The following DYSF variants were observed in gnomAD, a reference collection of about 807,000 sequenced individuals.
DYSF encodes the protein dystrophy-associated fer-1-like 1.
DYSF carries 212 observed loss-of-function variants against 274.9 expected under a neutral mutation model. The observed-to-expected ratio is 0.77, with a 90% confidence interval of 0.69 to 0.86. DYSF has a LOEUF of 0.86. Among genes scored for constraint, DYSF ranks in the 40% least tolerant of loss-of-function variants. DYSF has a pLI of 0.00. For synonymous variants in DYSF, 1,091 were observed against 1,078.7 expected (o/e 1.01, Z -0.22); for missense variants, 2,666 against 2,783.2 (o/e 0.96, Z 0.95).
At chr2:71,490,026 G>A (rs770675404) in intron 3 of DYSF, among the ~76,000 whole-genome samples, 1 of 152,146 alleles carries the variant, frequency 6.6e-6, no homozygotes, top group Non-Finnish European at 1.5e-5. Flanking sequence ...GGGGCTGTTG[G>A]GAGCAGGATC....
chr2:71,608,122 T>C (rs1277414974), intron 36 of DYSF, among the ~76,000 whole-genome samples: 1 of 151,880 alleles, frequency 6.6e-6, no homozygotes, highest in Non-Finnish European at 1.5e-5. Context: ...TAGGGGACTC[T>C]GGAGACAAAT....
chr2:71,649,293 G>T (rs550425700), intron 42 of DYSF, among the ~76,000 whole-genome samples: 1 of 152,008 alleles, frequency 6.6e-6, no homozygotes, highest in Non-Finnish European at 1.5e-5. Flanking sequence ...GGTGGAGAAG[G>T]ACAAAAGAGT....
At chr2:71,471,216 A>G (rs1179381966) in intron 1 of DYSF, among the ~76,000 whole-genome samples, 1 of 152,234 alleles carries the variant, frequency 6.6e-6, no homozygotes, top group Non-Finnish European at 1.5e-5. Flanking sequence ...CTTGTTAACA[A>G]TTTGACACAT....
intron 1 of DYSF, among the ~76,000 whole-genome samples, chr2:71,473,230 T>A (rs1304725662): frequency 6.6e-6 from 1 of 152,204 alleles, no homozygotes. Flanking sequence ...TTTGGGGGTG[T>A]CTGTACCAAG....
intron 3 of DYSF, among the ~76,000 whole-genome samples, chr2:71,483,666 T>G (rs1363921753): frequency 6.6e-6 from 1 of 152,188 alleles, no homozygotes; most frequent in South Asian, 2.1e-4. Context: ...GGCCGCATGC[T>G]GTCTTATATA....
intron 44 of DYSF, 143 bp downstream of exon 44, chr2:71,659,176 A>G: frequency 4.1e-6 from 5 of 1,209,736 alleles, no homozygotes; most frequent in Non-Finnish European, 2.4e-6. Flanking sequence ...AGGTGCCTGG[A>G]TGGAGTTGTG....
chr2:71,628,877 A>G (rs961482339), intron 41 of DYSF, among the ~76,000 whole-genome samples: 3 of 152,130 alleles, frequency 2.0e-5, no homozygotes, highest in African/African-American at 2.4e-5. Flanking sequence ...GCTTGAGCCC[A>G]GGAGGTTAAG....
intron 22 of DYSF, among the ~76,000 whole-genome samples, chr2:71,557,446 T>C (rs971828039): frequency 6.6e-6 from 1 of 151,924 alleles, no homozygotes; most frequent in African/African-American, 2.4e-5. Context: ...GCCCCGAGGG[T>C]CTCTGCTAAG....
intron 53 of DYSF, among the ~76,000 whole-genome samples, chr2:71,680,044 C>A (rs1483340130): frequency 6.6e-6 from 1 of 152,182 alleles, no homozygotes; most frequent in Non-Finnish European, 1.5e-5. Flanking sequence ...CCCATCTATA[C>A]ATATCTATGA....
chr2:71,595,132 C>T (rs1263477318), intron 32 of DYSF, among the ~76,000 whole-genome samples: 4 of 152,214 alleles, frequency 2.6e-5, no homozygotes, highest in African/African-American at 9.6e-5. Context: ...TTTTTCAGGG[C>T]ATAGTGCCCA....
chr2:71,454,127 G>C (rs1031426246), intron 1 of DYSF: 2 of 1,586,794 alleles, frequency 1.3e-6, no homozygotes, highest in Admixed American at 1.7e-5. Context: ...TCGGGGTGGG[G>C]TAGAGGAGGG....
chr2:71,675,838 T>A (rs1426242480), intron 52 of DYSF, among the ~76,000 whole-genome samples: 1 of 152,088 alleles, frequency 6.6e-6, no homozygotes, highest in African/African-American at 2.4e-5. Flanking sequence ...ATTTTATATA[T>A]GTATTTATAT....
At chr2:71,518,380 C>A (rs1261887237) in intron 10 of DYSF, among the ~76,000 whole-genome samples, 4 of 151,584 alleles carry the variant, frequency 2.6e-5, no homozygotes, top group African/African-American at 9.7e-5. Context: ...CCTCAGCCTC[C>A]CCAGTAGCTG....
At chr2:71,652,908 T>C (rs563745033) in intron 42 of DYSF, among the ~76,000 whole-genome samples, 4 of 152,382 alleles carry the variant, frequency 2.6e-5, no homozygotes, top group African/African-American at 9.6e-5. Context: ...GATGTTTAGA[T>C]AATTGCCTAA....
Position 71,659,040 on chromosome 2 carries a change from T to C in DYSF, c.4911+7T>C. Reference sequence around the variant, plus strand: ...CAAGGACCCCAATGGAAAGGTAACTTTCCTAGAGCCCTCACCTCCCCCAGA... The same window carrying C: ...CAAGGACCCCAATGGAAAGGTAACTCTCCTAGAGCCCTCACCTCCCCCAGA... On this transcript the variant is annotated splice_region_variant and intron_variant, in intron 44 of 55. Transcript: ENST00000410020. 6.2e-7 allele frequency: 1 copy of C among 1,614,074 alleles called. No individual in the cohort carries two copies. Among genetic ancestry groups the C allele is most frequent in the Non-Finnish European group, 8.5e-7 (1 of 1,179,992 alleles).
At chr2:71,606,954 C>T (rs1332662970) in intron 36 of DYSF, among the ~76,000 whole-genome samples, 2 of 152,146 alleles carry the variant, frequency 1.3e-5, no homozygotes, top group African/African-American at 4.8e-5. Flanking sequence ...CTTCACCCTC[C>T]CTCTTCCCCT....
chr2:71,463,684 C>G (rs1054924034), upstream of DYSF, among the ~76,000 whole-genome samples: 4 of 152,244 alleles, frequency 2.6e-5, no homozygotes, highest in African/African-American at 4.8e-5. Flanking sequence ...AACTGGTCAG[C>G]AATTGGATCT....
At chr2:71,601,417 G>A (rs749931935) in intron 34 of DYSF, 82 bp from the exon 35 acceptor site, 1 of 1,559,848 alleles carries the variant, frequency 6.4e-7, no homozygotes, top group Non-Finnish European at 8.8e-7. Flanking sequence ...TCTGATCACT[G>A]ACATAGTCCA....
chr2:71,507,610 T>C (rs1301858104), intron 4 of DYSF, among the ~76,000 whole-genome samples: 1 of 152,132 alleles, frequency 6.6e-6, no homozygotes, highest in African/African-American at 2.4e-5. Context: ...CAGGCACGTG[T>C]GCGCGCACAC....
Sources: allele counts gnomAD v4.1 joint callset (sites outside exome capture counted in the v4.1 genomes callset), GRCh38; gene constraint gnomAD v4.1.1; transcripts MANE v1.5; gene names NCBI Gene and HGNC (gene_info 2026-07-23, HGNC 2026-07-21).